Variants in CEP112 observed in about 807,000 individuals in gnomAD.
CEP112 encodes the protein centrosomal protein of 112 kDa.
A neutral mutation model predicts 153.0 loss-of-function variants in CEP112; 127 were observed. The observed-to-expected ratio is 0.83, with a 90% CI of 0.72 to 0.96. CEP112 has a LOEUF of 0.96. CEP112 is among the 40% of genes least tolerant of loss of function. The pLI, the probability that CEP112 is intolerant of heterozygous loss-of-function variation, is 0.00. For synonymous variants in CEP112, 358 were observed against 374.4 expected, an observed-to-expected ratio of 0.96 and a Z score of 0.51; for missense variants, 1,089 against 1,101.2, an observed-to-expected ratio of 0.99 and a Z score of 0.16.
At chr17:66,172,061 G>A (rs776491154) in intron 4 of CEP112, among the ~76,000 whole-genome samples, 72 of 152,076 alleles carry the variant, frequency 4.7e-4, no homozygotes, top group African/African-American at 1.5e-3. Context: ...CAATATACCC[G>A]TTTCAAAGGG....
chr17:65,955,170 C>A (rs35440002), intron 18 of CEP112, among the ~76,000 whole-genome samples: 62,963 of 152,044 alleles, frequency 0.41, 14,427 homozygotes, highest in East Asian at 0.87. Flanking sequence ...GACTTCTTGG[C>A]AGAAACCCTA....
intron 21 of CEP112, among the ~76,000 whole-genome samples, chr17:65,818,026 C>G (rs1378226511): frequency 6.6e-6 from 1 of 151,810 alleles, no homozygotes; most frequent in Non-Finnish European, 1.5e-5. Context: ...GACGCCTTTT[C>G]TTCTTCGTAT....
At chr17:65,729,912 CAAA>C (rs1445581533) in intron 23 of CEP112, among the ~76,000 whole-genome samples, 1 of 876 alleles carries the variant, frequency 1.1e-3, no homozygotes, top group Non-Finnish European at 2.0e-3. Context: ...GATCCTGTCT[CAAA>C]CAAACAAACA....
At chr17:66,143,004 T>C (rs1391837814) in intron 4 of CEP112, among the ~76,000 whole-genome samples, 1 of 152,236 alleles carries the variant, frequency 6.6e-6, no homozygotes, top group Non-Finnish European at 1.5e-5. Flanking sequence ...TATCTGTGTC[T>C]TCAGTTTCTT....
At chr17:65,663,147 C>T (rs2046481961) in intron 24 of CEP112, among the ~76,000 whole-genome samples, 3 of 152,066 alleles carry the variant, frequency 2.0e-5, no homozygotes. Context: ...TTTTGATGAA[C>T]TGAATTAATC....
At chr17:65,884,069 G>T (rs1303292493) in intron 20 of CEP112, among the ~76,000 whole-genome samples, 1 of 152,216 alleles carries the variant, frequency 6.6e-6, no homozygotes, top group East Asian at 1.9e-4. Flanking sequence ...ACAGAACACA[G>T]ATGAGAGACG....
chr17:65,640,152 A>ATTTTTTTT (rs1246755697), intron 25 of CEP112, among the ~76,000 whole-genome samples: 1 of 68,684 alleles, frequency 1.5e-5, no homozygotes, highest in Non-Finnish European at 2.4e-5. Context: ...ATATATATAT[A>ATTTTTTTT]TATTTTTTTT....
chr17:65,987,238 G>C (rs888510851), intron 17 of CEP112, among the ~76,000 whole-genome samples: 3 of 151,934 alleles, frequency 2.0e-5, no homozygotes, highest in African/African-American at 7.2e-5. Context: ...ATTTAAAAGG[G>C]GATATGATTA....
rs1451858579 is a variant in CEP112, at chr17:66,131,798, C to T, written c.564+872G>A. Among the ~76,000 whole-genome samples the T allele has an allele frequency of 2.3e-4, 35 of 151,930 alleles. 2 individuals carry two copies. Among genetic ancestry groups the T allele is most frequent in the Admixed American group, 2.3e-3 (35 of 15,262 alleles). ...GTGTTACACATGCTTTCTCTTGTAA[C>T]TAAAAGTCATGTAACTCAAGACAGC... On this transcript the variant is annotated intron_variant, in intron 5 of 26. Transcript: ENST00000535342.
chr17:66,177,736 C>T (rs1396064452), intron 2 of CEP112, among the ~76,000 whole-genome samples: 3 of 152,072 alleles, frequency 2.0e-5, no homozygotes, highest in African/African-American at 7.2e-5. Flanking sequence ...TTCCCACCCT[C>T]TGGAAACCAT....
At chr17:65,644,310 G>A (rs1386063151) in intron 24 of CEP112, 18 of 577,802 alleles carry the variant, frequency 3.1e-5, no homozygotes, top group Non-Finnish European at 5.3e-5. Context: ...AGAAGGCCAT[G>A]TTCCATTTGA....
At chr17:65,800,155 T>A (rs939120771) in intron 21 of CEP112, among the ~76,000 whole-genome samples, 3 of 152,174 alleles carry the variant, frequency 2.0e-5, no homozygotes, top group Non-Finnish European at 4.4e-5. Context: ...AACACACCTT[T>A]TAAGAGTATA....
chr17:65,937,047 A>T (rs898093179), intron 18 of CEP112, among the ~76,000 whole-genome samples: 2 of 148,718 alleles, frequency 1.3e-5, no homozygotes, highest in African/African-American at 4.9e-5. Flanking sequence ...CCAGCTCCTC[A>T]CCGCGAGTGA....
intron 17 of CEP112, among the ~76,000 whole-genome samples, chr17:65,995,804 C>T (rs2063764456): frequency 6.6e-6 from 1 of 152,152 alleles, no homozygotes; most frequent in Non-Finnish European, 1.5e-5. Context: ...ATAACTGAAT[C>T]ATGGGTACAG....
At chr17:65,892,200 C>T (rs1478292231) in intron 20 of CEP112, among the ~76,000 whole-genome samples, 1 of 152,158 alleles carries the variant, frequency 6.6e-6, no homozygotes, top group Non-Finnish European at 1.5e-5. Context: ...GCATGCCCAG[C>T]CCTAGGGCCC....
At chr17:66,189,742 T>C (rs924965980) in intron 1 of CEP112, among the ~76,000 whole-genome samples, 1 of 152,070 alleles carries the variant, frequency 6.6e-6, no homozygotes, top group Admixed American at 6.6e-5. Context: ...ACAAATTACA[T>C]CTTATTGGCC....
At chr17:66,007,398 A>G (rs988566854) in intron 16 of CEP112, among the ~76,000 whole-genome samples, 1 of 152,178 alleles carries the variant, frequency 6.6e-6, no homozygotes, top group Non-Finnish European at 1.5e-5. Context: ...TACATGCAGG[A>G]AAAAGAAGTC....
intron 8 of CEP112, among the ~76,000 whole-genome samples, chr17:66,080,996 A>G (rs2146171215): frequency 6.6e-6 from 1 of 151,760 alleles, no homozygotes; most frequent in East Asian, 1.9e-4. Flanking sequence ...GGAACATCAC[A>G]CACTGGGGAC....
At chr17:66,056,381 C>CAGAGTTA (rs2066688164) in intron 11 of CEP112, among the ~76,000 whole-genome samples, 1 of 152,180 alleles carries the variant, frequency 6.6e-6, no homozygotes, top group African/African-American at 2.4e-5. Flanking sequence ...TACCACATAA[C>CAGAGTTA]CCAGGAATCC....
Sources: gnomAD v4.1 joint callset for allele counts (sites outside exome capture counted in the v4.1 genomes callset) on GRCh38, gnomAD v4.1.1 for gene constraint, MANE v1.5 for transcripts, NCBI Gene and HGNC (gene_info 2026-07-23, HGNC 2026-07-21) for gene names.